RBMS1: variants seen among roughly 807,000 people sequenced by gnomAD.
The protein encoded by RBMS1 is RNA binding motif single stranded interacting protein 1, also known as RNA-binding motif, single-stranded-interacting protein 1.
A neutral mutation model predicts 62.3 loss-of-function variants in RBMS1; 17 were observed. The observed-to-expected ratio is 0.27, with a 90% CI of 0.19 to 0.41. The LOEUF is 0.41. RBMS1 is among the 10% of genes least tolerant of loss of function. The pLI, the probability that RBMS1 is intolerant of heterozygous loss-of-function variation, is 1.00. For missense variants in RBMS1, 334 were observed against 504.5 expected (o/e 0.66, Z 3.24); for synonymous variants, 172 against 170.0 (o/e 1.01, Z -0.09).
intron 1 of RBMS1, among the ~76,000 whole-genome samples, chr2:160,469,769 C>T (rs899665604): frequency 1.3e-5 from 2 of 152,158 alleles, no homozygotes; most frequent in African/African-American, 2.4e-5. Flanking sequence ...AGGGCAGACT[C>T]ATTCTGGAAT....
Position 160,430,922 on chromosome 2 carries a change from C to T in RBMS1, c.75+62367G>A, listed in dbSNP as rs1231068160. Among the ~76,000 whole-genome samples, 14 of 151,640 alleles carry T rather than the reference C, an allele frequency of 9.2e-5. 1 individual carries two copies. Among genetic ancestry groups the T allele is most frequent in the Admixed American group, 8.5e-4 (13 of 15,230 alleles). ...TGAAATAATGATGGGGCGCTTAGCA[C>T]CAGGTCCTTTGCATTTTGGTTCCCC... On this transcript the variant is annotated intron_variant, in intron 1 of 13. Coordinates refer to ENST00000348849, the MANE Select transcript of RBMS1 (RefSeq NM_016836.4).
intron 1 of RBMS1, among the ~76,000 whole-genome samples, chr2:160,440,024 C>T (rs1019720322): frequency 5.0e-5 from 7 of 138,888 alleles, no homozygotes; most frequent in South Asian, 2.4e-4. Context: ...AGCTTCGGCT[C>T]GGCATCAGAG....
intron 1 of RBMS1, among the ~76,000 whole-genome samples, chr2:160,468,731 A>C (rs558859802): frequency 6.6e-6 from 1 of 152,346 alleles, no homozygotes; most frequent in East Asian, 1.9e-4. Flanking sequence ...AAAAATCTAC[A>C]ATGTAAGACA....
chr2:160,485,314 C>A (rs1354617205), intron 1 of RBMS1, among the ~76,000 whole-genome samples: 1 of 152,124 alleles, frequency 6.6e-6, no homozygotes, highest in Non-Finnish European at 1.5e-5. Flanking sequence ...AAGGGCAAAG[C>A]CTTGTTGAAA....
intron 2 of RBMS1, among the ~76,000 whole-genome samples, chr2:160,331,768 C>T (rs1023164506): frequency 4.6e-5 from 7 of 152,108 alleles, no homozygotes; most frequent in Non-Finnish European, 1.0e-4. Context: ...AAGTTCTTAC[C>T]GATGCTTACC....
At chr2:160,370,394 G>C (rs1693658282) in intron 1 of RBMS1, among the ~76,000 whole-genome samples, 1 of 152,174 alleles carries the variant, frequency 6.6e-6, no homozygotes. Flanking sequence ...CAGCACTTTG[G>C]GAGGCCGAGG....
At chr2:160,423,846 C>T (rs1358979597) in intron 1 of RBMS1, among the ~76,000 whole-genome samples, 1 of 152,088 alleles carries the variant, frequency 6.6e-6, no homozygotes, top group East Asian at 1.9e-4. Context: ...AACTGGTGTG[C>T]CCCACCAAGG....
rs1430802016 is a variant in RBMS1, at chr2:160,493,317, T to C, written c.47A>G (p.Tyr16Cys). 1 of 1,613,354 alleles carries C rather than the reference T, an allele frequency of 6.2e-7. No homozygotes were observed. Among genetic ancestry groups the C allele is most frequent in the East Asian group, 2.2e-5 (1 of 44,780 alleles). ...KQQMYPQYATYYYPQYLQAKQ... is the reference protein window; with the variant it reads ...KQQMYPQYATCYYPQYLQAKQ... ...GGCTTGCAGATACTGGGGGTAATAG[T>C]AGGTGGCGTACTGAGGGTACATCTG... The change falls in exon 1 of 14, where the codon TAC (tyrosine) becomes TGC (cysteine). Residue 16 changes from tyrosine (Y) to cysteine (C), a missense_variant. Physicochemically the swap from Tyr to Cys is radical, Grantham distance 194 (BLOSUM62 -2). Around this residue, in one of 3 missense-constraint regions of RBMS1, gnomAD observed 150 missense variants for 228.0 expected, o/e 0.66. Transcript: ENST00000348849.
At chr2:160,394,480 G>A (rs1695031435) in intron 1 of RBMS1, among the ~76,000 whole-genome samples, 1 of 152,166 alleles carries the variant, frequency 6.6e-6, no homozygotes, top group African/African-American at 2.4e-5. Context: ...TAGAATGTGT[G>A]AGTTTTCCAG....
intron 1 of RBMS1, among the ~76,000 whole-genome samples, chr2:160,485,338 C>T (rs1032973396): frequency 2.0e-5 from 3 of 152,150 alleles, no homozygotes; most frequent in Non-Finnish European, 4.4e-5. Context: ...TGTAGAAGAA[C>T]CCTGTCTTCC....
intron 1 of RBMS1, among the ~76,000 whole-genome samples, chr2:160,374,312 A>G (rs1693881238): frequency 6.6e-6 from 1 of 152,192 alleles, no homozygotes; most frequent in Non-Finnish European, 1.5e-5. Context: ...ATCTGAAAGA[A>G]AGGTGGGTAG....
chr2:160,359,252 T>G (rs1692987677), intron 2 of RBMS1, among the ~76,000 whole-genome samples: 1 of 152,194 alleles, frequency 6.6e-6, no homozygotes. Context: ...CTCAGAGGCG[T>G]TGCTTTAGAA....
intron 1 of RBMS1, among the ~76,000 whole-genome samples, chr2:160,401,063 G>C (rs765446209): frequency 2.0e-5 from 3 of 152,012 alleles, no homozygotes; most frequent in Admixed American, 6.6e-5. Context: ...AGAGAGACTG[G>C]ATGGTTGAAA....
chr2:160,348,933 GTTTTA>G (rs1409393715), intron 2 of RBMS1, among the ~76,000 whole-genome samples: 1 of 152,068 alleles, frequency 6.6e-6, no homozygotes, highest in East Asian at 1.9e-4. Context: ...GTTTATTAAT[GTTTTA>G]TAGAGGGATA....
chr2:160,378,781 A>C (rs1258365039), intron 1 of RBMS1, among the ~76,000 whole-genome samples: 1 of 152,170 alleles, frequency 6.6e-6, no homozygotes, highest in African/African-American at 2.4e-5. Flanking sequence ...CACTCAAAAC[A>C]AGTTACTTCA....
chr2:160,298,861 C>G (rs989225515), intron 6 of RBMS1, among the ~76,000 whole-genome samples: 44 of 152,110 alleles, frequency 2.9e-4, no homozygotes, highest in African/African-American at 1.0e-3. Flanking sequence ...AAAGGGAAAT[C>G]TGGGCACAGA....
In RBMS1 at chr2:160,327,872, G is replaced by C. The variant is rs1001273119; in HGVS notation, c.252-9645C>G. On this transcript the variant is annotated intron_variant, in intron 2 of 13. Transcript: ENST00000348849. Reference sequence around the variant, plus strand: ...TTAAAGCAAAGGCAATTTGATCATAGAAAGTGGCCTTCTATTTCTGAATTG... The same window carrying C: ...TTAAAGCAAAGGCAATTTGATCATACAAAGTGGCCTTCTATTTCTGAATTG... Among the ~76,000 whole-genome samples, 9 of 152,242 alleles carry C rather than the reference G, an allele frequency of 5.9e-5. No individual in the cohort carries two copies. In the East Asian group the frequency reaches 1.4e-3, roughly 23 times the overall value.
intron 4 of RBMS1, among the ~76,000 whole-genome samples, chr2:160,312,089 T>TG (rs989718059): frequency 9.2e-5 from 14 of 152,234 alleles, no homozygotes; most frequent in African/African-American, 2.6e-4. Flanking sequence ...AAAGTGGGGT[T>TG]GGGGGGAGAT....
rs144508405 is a variant in RBMS1, at chr2:160,351,015, T to C, written c.251+16201A>G. ...TTCGCCATAAAAAAGGATAAGTTCA[T>C]GTCCTTTGTAGGGACATGGATGAAG... On this transcript the variant is annotated intron_variant, in intron 2 of 13. Coordinates refer to ENST00000348849, the MANE Select transcript of RBMS1 (RefSeq NM_016836.4). Among the ~76,000 whole-genome samples the C allele has an allele frequency of 1.7e-3, 254 of 152,216 alleles. 2 individuals are homozygous for C. The highest frequency in any genetic ancestry group is 5.8e-3 in the African/African-American group (239 of 41,546).
Sources: allele counts gnomAD v4.1 joint callset (sites outside exome capture counted in the v4.1 genomes callset), GRCh38; gene constraint gnomAD v4.1.1; regional missense constraint gnomAD v4.1.1; transcripts MANE v1.5; gene names NCBI Gene and HGNC (gene_info 2026-07-23, HGNC 2026-07-21).